Variants in RASGEF1B observed in about 807,000 individuals in gnomAD.
The protein encoded by RASGEF1B is ras-GEF domain-containing family member 1B.
In RASGEF1B, 30 loss-of-function variants were observed where a neutral mutation model predicts 65.7. The observed-to-expected ratio is 0.46, with a 90% CI of 0.34 to 0.62. RASGEF1B has a LOEUF of 0.62. RASGEF1B is among the 20% of genes least tolerant of loss of function. The pLI, the probability that RASGEF1B is intolerant of heterozygous loss-of-function variation, is 0.01. For synonymous variants in RASGEF1B, 175 were observed against 194.8 expected (o/e 0.90, Z 0.85); for missense variants, 495 against 580.1 (o/e 0.85, Z 1.51).
At chr4:81,453,440 G>C (rs1476285250) in intron 4 of RASGEF1B, 1 of 152,142 alleles carries the variant, frequency 6.6e-6, no homozygotes, top group Non-Finnish European at 1.5e-5. Context: ...CAACGTAAAT[G>C]CTATGTAAAT....
intron 3 of RASGEF1B, 85 bp downstream of exon 3, chr4:81,457,414 C>T: frequency 7.2e-7 from 1 of 1,394,706 alleles, no homozygotes; most frequent in Non-Finnish European, 1.0e-6. Flanking sequence ...TGGGGATAAG[C>T]CAGGGTTACT....
In RASGEF1B at chr4:81,432,300, T is replaced by G. The variant is rs1463179561; in HGVS notation, c.1396A>C (p.Arg466=). The change falls in exon 13 of 14, where the codon AGG becomes CGG. Residue 466 remains arginine, a splice_region_variant and synonymous_variant. Transcript: ENST00000264400. ...AGCAATGAGAAGAATGAGACCCACC[T>G]TAAAGACTTCCATCTGTCTTTCTCT... ...HIEKDRWKSL[R]SSLLGRV 1.3e-6 allele frequency: 2 copies of G among 1,599,586 alleles called. No individual in the cohort carries two copies. The highest frequency in any genetic ancestry group is 1.3e-5 in the African/African-American group (1 of 74,616).
Position 81,444,532 on chromosome 4 carries a change from CTCT to C in RASGEF1B, c.928+991_928+993del, listed in dbSNP as rs531040821. ...CTGATCCTTCGAAAAGACCTCAACT[CTCT>C]TCTTCTTCTTCCTTTTTTTTTAGAC... On this transcript the variant is annotated intron_variant, in intron 8 of 13. Transcript: ENST00000264400. Among the ~76,000 whole-genome samples the C allele has an allele frequency of 9.7e-4, 148 of 152,090 alleles. 1 individual carries two copies. Among genetic ancestry groups the C allele is most frequent in the African/African-American group, 3.4e-3 (142 of 41,508 alleles).
intron 1 of RASGEF1B, among the ~76,000 whole-genome samples, chr4:81,470,867 C>A (rs1319422639): frequency 6.6e-6 from 1 of 152,140 alleles, no homozygotes; most frequent in Non-Finnish European, 1.5e-5. Flanking sequence ...AGACAGCAAG[C>A]AGTATTGAAA....
chr4:81,452,015 G>A (rs1261603041), intron 4 of RASGEF1B: 2 of 152,270 alleles, frequency 1.3e-5, no homozygotes, highest in Non-Finnish European at 2.9e-5. Flanking sequence ...CAGTGCACTT[G>A]TGTCACATGC....
intron 4 of RASGEF1B, chr4:81,454,009 T>C (rs1722358641): frequency 1.3e-5 from 2 of 152,196 alleles, no homozygotes; most frequent in Non-Finnish European, 2.9e-5. Context: ...CAACCCTTAG[T>C]TTAATCAATT....
chr4:81,468,217 T>C (rs1722912739), intron 1 of RASGEF1B, among the ~76,000 whole-genome samples: 1 of 152,188 alleles, frequency 6.6e-6, no homozygotes, highest in African/African-American at 2.4e-5. Flanking sequence ...CTCAGGAAAA[T>C]GATCTGATAC....
At chr4:81,440,119 C>A (rs1024042736) in intron 10 of RASGEF1B, among the ~76,000 whole-genome samples, 1 of 152,124 alleles carries the variant, frequency 6.6e-6, no homozygotes, top group African/African-American at 2.4e-5. Context: ...CATCAAGCAA[C>A]CTTCATTAAC....
At position 81,433,907 on chromosome 4, in the gene RASGEF1B, C is replaced by G. The variant is rs747214156; in HGVS notation, c.1257G>C (p.Glu419Asp). Residue 419 changes from glutamate (E) to aspartate (D), a missense_variant, in exon 12 of 14, where the codon GAG becomes GAC. By Grantham distance (45) the Glu-to-Asp change is conservative. Coordinates refer to ENST00000264400, the MANE Select transcript of RASGEF1B (RefSeq NM_152545.3). ...VSEFMTWKQV[E>D]CPFERDRKIL... The stretch of plus-strand genomic sequence containing the variant: ...TCTTCCGGTCCCTCTCAAATGGACA[C>G]TCCACTTGTTTCCATGTCATAAATT... The G allele has an allele frequency of 6.2e-7, 1 of 1,613,750 alleles. No homozygotes were observed. Among genetic ancestry groups the G allele is most frequent in the South Asian group, 1.1e-5 (1 of 91,076 alleles).
rs371745610 is a variant in RASGEF1B, at chr4:81,448,297, C to G, written c.439-13G>C. 1 of 1,604,054 alleles carries G rather than the reference C, an allele frequency of 6.2e-7. No homozygotes were observed. The highest frequency in any genetic ancestry group is 1.3e-5 in the African/African-American group (1 of 74,616). The stretch of plus-strand genomic sequence containing the variant: ...TTCTGTATGTCTGCTAGGGAATAAG[C>G]GAAGAATTACATCCGTACTCTGCGT... On this transcript the variant is annotated splice_polypyrimidine_tract_variant and intron_variant, in intron 4 of 13. Transcript: ENST00000264400.
chr4:81,456,884 G>T, intron 3 of RASGEF1B, 96 bp from the exon 4 acceptor site: 1 of 1,142,804 alleles, frequency 8.8e-7, no homozygotes. Flanking sequence ...AACTTCTAGT[G>T]CAAAGTCTTT....
chr4:81,468,067 C>G (rs1449829695), intron 1 of RASGEF1B, among the ~76,000 whole-genome samples: 3 of 152,100 alleles, frequency 2.0e-5, no homozygotes, highest in Non-Finnish European at 4.4e-5. Flanking sequence ...TCCCATATGA[C>G]TAGTGGCTAC....
At chr4:81,432,955 T>C (rs1721481546) in intron 12 of RASGEF1B, among the ~76,000 whole-genome samples, 1 of 151,036 alleles carries the variant, frequency 6.6e-6, no homozygotes, top group African/African-American at 2.4e-5. Flanking sequence ...CTGGGTGTGG[T>C]GGCATAATCT....
In RASGEF1B at chr4:81,427,560, T is replaced by C. The variant is rs549582532; in HGVS notation, c.*208A>G. 2 of 514,932 alleles carry C rather than the reference T, an allele frequency of 3.9e-6. No individual in the cohort carries two copies. Among genetic ancestry groups the C allele is most frequent in the East Asian group, 6.3e-5 (2 of 31,598 alleles). The allele number at this position is 514,932 out of a possible 1,614,324, so 31.9% of individuals were successfully genotyped here. A position where few individuals can be genotyped will look rare whatever the true frequency, so the allele number is the denominator to read the frequency against. On this transcript the variant is annotated 3_prime_UTR_variant, in exon 14 of 14. Coordinates refer to ENST00000264400, the MANE Select transcript of RASGEF1B (RefSeq NM_152545.3). ...CAAGTGTCTTCAGTGAACATTTCAG[T>C]CTCACAAAATCTGAGTCTATCTGTC... is the stretch of plus-strand genomic sequence containing the variant.
intron 1 of RASGEF1B, among the ~76,000 whole-genome samples, chr4:81,466,773 AGAAAGAAAGAAAGAAAG>A (rs1387946382): frequency 7.4e-5 from 6 of 81,162 alleles, no homozygotes; most frequent in African/African-American, 2.0e-4. Flanking sequence ...AAAAAAAAAA[AGAAAGAAAGAAAGAAAG>A]AAAGAAAGAA....
At chr4:81,457,642 C>A in intron 2 of RASGEF1B, 21 bp from the exon 3 acceptor site, 1 of 1,611,350 alleles carries the variant, frequency 6.2e-7, no homozygotes, top group Non-Finnish European at 8.5e-7. Flanking sequence ...AGAAAAAAGT[C>A]ATCATCGTTA....
At chr4:81,465,021 T>C (rs1560712504) in intron 1 of RASGEF1B, among the ~76,000 whole-genome samples, 1 of 150,814 alleles carries the variant, frequency 6.6e-6, no homozygotes. Flanking sequence ...GAAGCGGAGG[T>C]TGTTGTGAGC....
In RASGEF1B at chr4:81,458,902, T is replaced by C. The variant is rs72876555; in HGVS notation, c.177+430A>G. 1,229 of 153,718 alleles carry C rather than the reference T, an allele frequency of 8.0e-3. 23 individuals are homozygous for C. Among genetic ancestry groups the C allele is most frequent in the African/African-American group, 0.028 (1,178 of 41,648 alleles). The allele number at this position is 153,718 out of a possible 1,614,324, so 9.5% of individuals were successfully genotyped here. ...GTCAAATCTATAAAGAATTACATCT[T>C]GAGCATAAATCTTGTTTTCTCTTCC... On this transcript the variant is annotated intron_variant, in intron 2 of 13. Coordinates refer to ENST00000264400, the MANE Select transcript of RASGEF1B (RefSeq NM_152545.3).
intron 1 of RASGEF1B, among the ~76,000 whole-genome samples, chr4:81,471,562 C>G (rs911769030): frequency 1.3e-5 from 2 of 152,192 alleles, no homozygotes; most frequent in African/African-American, 4.8e-5. Flanking sequence ...TAACTCGGCT[C>G]TTGGCGCCCG....
Sources: allele counts gnomAD v4.1 joint callset (sites outside exome capture counted in the v4.1 genomes callset), GRCh38; gene constraint gnomAD v4.1.1; transcripts MANE v1.5; gene names NCBI Gene and HGNC (gene_info 2026-07-23, HGNC 2026-07-21).